The following DPP6 variants were observed in gnomAD, a reference collection of about 807,000 sequenced individuals.
DPP6 encodes the protein A-type potassium channel modulatory protein DPP6.
In DPP6, 69 loss-of-function variants were observed where a neutral mutation model predicts 122.6. The observed-to-expected ratio is 0.56, with a 90% CI of 0.46 to 0.69. The LOEUF (loss-of-function observed/expected upper bound fraction) is 0.69, where lower values mean the gene tolerates loss of function less well. DPP6 is among the 30% of genes least tolerant of loss of function. The pLI is 0.00. For missense variants in DPP6, 928 were observed against 1,116.9 expected (o/e 0.83, Z 2.41); for synonymous variants, 418 against 433.1 (o/e 0.97, Z 0.43).
At chr7:154,749,248 T>C (rs1843209000) in intron 8 of DPP6, among the ~76,000 whole-genome samples, 2 of 114,654 alleles carry the variant, frequency 1.7e-5, no homozygotes, top group Non-Finnish European at 3.6e-5. Flanking sequence ...GATGGAGGCT[T>C]TACTGAGAGA....
chr7:154,591,132 C>T (rs1037196646), intron 5 of DPP6, among the ~76,000 whole-genome samples: 3 of 152,146 alleles, frequency 2.0e-5, no homozygotes, highest in South Asian at 2.1e-4. Flanking sequence ...GGTGCAAAGA[C>T]GAGGCCACAA....
chr7:153,981,991 C>T (rs1409577411), intron 1 of DPP6, among the ~76,000 whole-genome samples: 11 of 152,330 alleles, frequency 7.2e-5, no homozygotes, highest in African/African-American at 2.6e-4. Context: ...TCCTTCATTT[C>T]AACCTTGGTG....
rs60711267 is a variant in DPP6, at chr7:154,422,686, A to G, written c.244-23528A>G. Among the ~76,000 whole-genome samples, 4 of 39,030 alleles carry G rather than the reference A, an allele frequency of 1.0e-4. No homozygotes were observed. The South Asian group carries it at 3.1e-3, about 30-fold the overall frequency. The allele number at this position is 39,030 out of a possible 152,430, so 25.6% of individuals were successfully genotyped here. On this transcript the variant is annotated intron_variant, in intron 1 of 25. Coordinates refer to ENST00000377770, the MANE Select transcript of DPP6 (RefSeq NM_130797.4). ...GATGGGTGGGTGGATGGGTGGATGGATGGATGGTGAGTGGGTGGGTAGATG... is the reference window on the plus strand; with the variant it reads ...GATGGGTGGGTGGATGGGTGGATGGGTGGATGGTGAGTGGGTGGGTAGATG...
chr7:154,815,992 A>C (rs955842974), intron 16 of DPP6, among the ~76,000 whole-genome samples: 1 of 152,202 alleles, frequency 6.6e-6, no homozygotes, highest in Non-Finnish European at 1.5e-5. Flanking sequence ...TTCTGTCATC[A>C]CCATCATTGC....
chr7:153,989,934 C>G (rs1797071174), intron 1 of DPP6, among the ~76,000 whole-genome samples: 1 of 132,730 alleles, frequency 7.5e-6, no homozygotes, highest in Non-Finnish European at 1.6e-5. Flanking sequence ...CAGTGGCCAG[C>G]CCCGCCCCCA....
At chr7:154,416,451 TGAGA>T (rs1228817906) in intron 1 of DPP6, among the ~76,000 whole-genome samples, 8 of 149,470 alleles carry the variant, frequency 5.4e-5, no homozygotes, top group South Asian at 4.2e-4. Context: ...TTTGTGACAG[TGAGA>T]GAGAGAGAAA....
chr7:153,961,037 C>A (rs1338084018), intron 1 of DPP6, among the ~76,000 whole-genome samples: 2 of 150,518 alleles, frequency 1.3e-5, no homozygotes, highest in African/African-American at 4.9e-5. Context: ...GGCTTCCATA[C>A]ATGTGATTAT....
At chr7:154,764,832 C>T (rs1245730118) in intron 8 of DPP6, among the ~76,000 whole-genome samples, 1 of 152,102 alleles carries the variant, frequency 6.6e-6, no homozygotes, top group African/African-American at 2.4e-5. Flanking sequence ...AGTCTTTGTT[C>T]AATAAGGTTA....
chr7:154,376,216 A>G (rs773635363), intron 1 of DPP6, among the ~76,000 whole-genome samples: 4 of 152,208 alleles, frequency 2.6e-5, no homozygotes, highest in Non-Finnish European at 4.4e-5. Flanking sequence ...ACCTGAGCAG[A>G]TGGTGGTCAT....
chr7:154,487,300 G>A (rs1030328218), intron 3 of DPP6, among the ~76,000 whole-genome samples: 3 of 152,048 alleles, frequency 2.0e-5, no homozygotes, highest in Admixed American at 6.5e-5. Flanking sequence ...GTCATTATAC[G>A]GTTGTTTCCA....
intron 1 of DPP6, among the ~76,000 whole-genome samples, chr7:153,929,647 A>G (rs1801082580): frequency 6.6e-6 from 1 of 152,180 alleles, no homozygotes; most frequent in Admixed American, 6.5e-5. Flanking sequence ...CTTTGAAGAA[A>G]GACCCAGGGC....
intron 1 of DPP6, among the ~76,000 whole-genome samples, chr7:153,965,495 A>G (rs976388230): frequency 6.6e-6 from 1 of 152,038 alleles, no homozygotes; most frequent in African/African-American, 2.4e-5. Context: ...ACCATTCTCC[A>G]TGCACCAATT....
chr7:154,207,383 TA>T (rs545818425), intron 1 of DPP6, among the ~76,000 whole-genome samples: 4 of 152,254 alleles, frequency 2.6e-5, no homozygotes, highest in African/African-American at 9.6e-5. Context: ...GGCATGATCT[TA>T]AAAAAAATCT....
chr7:154,464,887 C>T (rs1821652023), intron 2 of DPP6, among the ~76,000 whole-genome samples: 1 of 152,184 alleles, frequency 6.6e-6, no homozygotes, highest in Non-Finnish European at 1.5e-5. Flanking sequence ...CAGTGGATGC[C>T]TGAAACCATG....
chr7:153,786,761 A>C, the DPP6 span, among the ~76,000 whole-genome samples: 1 of 141,496 alleles, frequency 7.1e-6, no homozygotes, highest in African/African-American at 2.6e-5. Flanking sequence ...AAAAAAAAAA[A>C]AGATATACTA....
the DPP6 span, among the ~76,000 whole-genome samples, chr7:153,803,991 A>G: frequency 2.0e-5 from 3 of 151,588 alleles, no homozygotes; most frequent in Admixed American, 2.0e-4. Context: ...CTCAAATGTT[A>G]ACTTTTCAAG....
the DPP6 span, among the ~76,000 whole-genome samples, chr7:153,849,873 T>C: frequency 1.3e-5 from 2 of 152,208 alleles, no homozygotes; most frequent in East Asian, 3.8e-4. Flanking sequence ...TGTATCATTT[T>C]AAGTGTCTTT....
chr7:154,501,927 C>G (rs1825285229), intron 3 of DPP6, among the ~76,000 whole-genome samples: 2 of 142,062 alleles, frequency 1.4e-5, no homozygotes, highest in Middle Eastern at 7.5e-3. Flanking sequence ...GGGAGGCTGT[C>G]CCCTGCAGAG....
intron 7 of DPP6, among the ~76,000 whole-genome samples, chr7:154,685,987 G>A (rs1350385394): frequency 6.6e-6 from 1 of 152,230 alleles, no homozygotes; most frequent in East Asian, 1.9e-4. Context: ...GGAAGCACTG[G>A]GTTTCAGACA....
Sources: allele counts gnomAD v4.1 joint callset (sites outside exome capture counted in the v4.1 genomes callset), GRCh38; gene constraint gnomAD v4.1.1; transcripts MANE v1.5; gene names NCBI Gene and HGNC (gene_info 2026-07-23, HGNC 2026-07-21).